Variants in TFCP2 observed in about 807,000 individuals in gnomAD.
The protein encoded by TFCP2 is transcription factor CP2.
A neutral mutation model predicts 73.4 loss-of-function variants in TFCP2; 33 were observed. The observed-to-expected ratio is 0.45, with a 90% CI of 0.34 to 0.60. The LOEUF is 0.60. TFCP2 is among the 20% of genes least tolerant of loss of function. The pLI is 0.01. For missense variants in TFCP2, 352 were observed against 604.0 expected (o/e 0.58, Z 4.37); for synonymous variants, 193 against 211.6 (o/e 0.91, Z 0.76).
chr12:51,102,289 C>T (rs1262945059), intron 10 of TFCP2, among the ~76,000 whole-genome samples: 1 of 152,104 alleles, frequency 6.6e-6, no homozygotes, highest in Non-Finnish European at 1.5e-5. Flanking sequence ...CTGAAATAAC[C>T]TTCCACTATC....
intron 13 of TFCP2, among the ~76,000 whole-genome samples, chr12:51,097,360 G>A (rs946712720): frequency 1.3e-5 from 2 of 152,106 alleles, no homozygotes; most frequent in Admixed American, 1.3e-4. Flanking sequence ...GCAGTTCTCT[G>A]CCTCAGCCTC....
rs910139576 is a variant in TFCP2 at position 51,118,868 on chromosome 12, A to G, written c.123-96T>C. The G allele has an allele frequency of 1.1e-4, 149 of 1,383,962 alleles. No homozygotes were observed. The East Asian group carries it at 3.3e-3, about 30-fold the overall frequency. 85.7% of individuals were successfully genotyped at this position (1,383,962 alleles called of 1,614,324 possible). Reference sequence around the variant, plus strand: ...TAACTGCAATGCTTTGGAAAGCCATAAACATTACTCACCTTGGTGGAGTTT... The same window carrying G: ...TAACTGCAATGCTTTGGAAAGCCATGAACATTACTCACCTTGGTGGAGTTT... On this transcript the variant is annotated intron_variant, in intron 1 of 14. Transcript: ENST00000257915.
At chr12:51,095,936 G>C (rs1340000066) in intron 14 of TFCP2, 53 bp downstream of exon 14, 1 of 1,450,168 alleles carries the variant, frequency 6.9e-7, no homozygotes, top group Non-Finnish European at 9.6e-7. Flanking sequence ...ACTTTGCCTA[G>C]TAGTAGTAAA....
intron 3 of TFCP2, among the ~76,000 whole-genome samples, chr12:51,116,905 C>T (rs942301153): frequency 2.0e-5 from 3 of 152,300 alleles, no homozygotes; most frequent in South Asian, 2.1e-4. Flanking sequence ...GCGTGAGCCA[C>T]CGGGTCCAGC....
In TFCP2 at chr12:51,158,842, C is replaced by T. The variant is rs117367559; in HGVS notation, c.122+13459G>A. The stretch of plus-strand genomic sequence containing the variant: ...GGGAAAAAAGAAAAAAAAATGGAGA[C>T]GGGGAGTATGGTGCCAGTCCTTTAA... On this transcript the variant is annotated intron_variant, in intron 1 of 14. Transcript: ENST00000257915. 2.8e-4 allele frequency among the ~76,000 whole-genome samples: 42 copies of T among 150,164 alleles called. No homozygotes were observed. The East Asian group carries it at 2.8e-3, about 10-fold the overall frequency.
chr12:51,159,162 T>C (rs1263306693), intron 1 of TFCP2, among the ~76,000 whole-genome samples: 1 of 143,310 alleles, frequency 7.0e-6, no homozygotes, highest in Non-Finnish European at 1.5e-5. Context: ...CTGGGCATCA[T>C]TGTGAGACTC....
intron 1 of TFCP2, among the ~76,000 whole-genome samples, chr12:51,169,369 C>T (rs549480187): frequency 3.3e-5 from 5 of 151,824 alleles, no homozygotes; most frequent in African/African-American, 7.2e-5. Context: ...GGCATGATGG[C>T]GTGCGCCTGT....
chr12:51,140,781 C>T (rs1941174740), intron 1 of TFCP2, among the ~76,000 whole-genome samples: 1 of 151,562 alleles, frequency 6.6e-6, no homozygotes, highest in East Asian at 1.9e-4. Flanking sequence ...TTTGGTTGGG[C>T]ACAGTGGCTC....
intron 1 of TFCP2, among the ~76,000 whole-genome samples, chr12:51,132,330 T>TGTGCAAGTTCTGGTTTAG (rs1940961353): frequency 6.8e-6 from 1 of 147,024 alleles, no homozygotes; most frequent in Non-Finnish European, 1.5e-5. Context: ...GAATTAGCAG[T>TGTGCAAGTTCTGGTTTAG]GTGCAAGTTC....
At chr12:51,162,449 AAAAAAAAAAAAG>A (rs1207893309) in intron 1 of TFCP2, among the ~76,000 whole-genome samples, 1 of 151,416 alleles carries the variant, frequency 6.6e-6, no homozygotes, top group Non-Finnish European at 1.5e-5. Context: ...CCATCTCAAA[AAAAAAAAAAAAG>A]AAAAGAAAAA....
At chr12:51,156,365 T>G (rs1941538175) in intron 1 of TFCP2, among the ~76,000 whole-genome samples, 1 of 151,838 alleles carries the variant, frequency 6.6e-6, no homozygotes, top group Non-Finnish European at 1.5e-5. Flanking sequence ...GTGCCACACT[T>G]AAACAACCAG....
chr12:51,115,628 C>T (rs189710922), intron 4 of TFCP2, among the ~76,000 whole-genome samples: 3 of 152,174 alleles, frequency 2.0e-5, no homozygotes, highest in Admixed American at 6.5e-5. Context: ...TTCACAATAG[C>T]CAGGAAATGG....
At chr12:51,131,115 G>A (rs1015750945) in intron 1 of TFCP2, among the ~76,000 whole-genome samples, 1 of 151,654 alleles carries the variant, frequency 6.6e-6, no homozygotes, top group Admixed American at 6.6e-5. Context: ...GGATCACGGG[G>A]TCAGGAGATC....
chr12:51,105,116 C>T lies in TFCP2; in HGVS notation c.918-913G>A, dbSNP rs187884994. On this transcript the variant is annotated intron_variant, in intron 8 of 14. Coordinates refer to ENST00000257915, the MANE Select transcript of TFCP2 (RefSeq NM_005653.5). The stretch of plus-strand genomic sequence containing the variant: ...TTTCTTTTTCTTTTTTTTTTTGAGA[C>T]GGAGTTTCACTCGTTTGCCCAGGCT... Among the ~76,000 whole-genome samples the T allele has an allele frequency of 4.7e-5, 7 of 150,002 alleles. No individual in the cohort carries two copies. In the East Asian group the frequency reaches 1.4e-3, roughly 30 times the overall value.
intron 1 of TFCP2, among the ~76,000 whole-genome samples, chr12:51,129,573 A>C (rs1170658420): frequency 1.3e-5 from 2 of 151,842 alleles, no homozygotes; most frequent in Non-Finnish European, 2.9e-5. Context: ...AGGTGACCTA[A>C]AGTCATGTCA....
At chr12:51,112,353 A>T (rs953186211) in intron 4 of TFCP2, among the ~76,000 whole-genome samples, 1 of 152,152 alleles carries the variant, frequency 6.6e-6, no homozygotes, top group Admixed American at 6.6e-5. Flanking sequence ...TGGCAATTTA[A>T]AGGCAGTTTC....
chr12:51,097,482 G>C (rs907675212), intron 13 of TFCP2, among the ~76,000 whole-genome samples: 2 of 151,902 alleles, frequency 1.3e-5, no homozygotes, highest in African/African-American at 4.8e-5. Context: ...TTCTGACCTT[G>C]TGATCCACCC....
chr12:51,158,184 C>G (rs1941577331), intron 1 of TFCP2, among the ~76,000 whole-genome samples: 1 of 149,200 alleles, frequency 6.7e-6, no homozygotes, highest in Admixed American at 6.7e-5. Context: ...AATTTTCCTT[C>G]TTTTATTATT....
intron 1 of TFCP2, among the ~76,000 whole-genome samples, chr12:51,130,944 C>T (rs1014958639): frequency 2.7e-5 from 4 of 150,520 alleles, no homozygotes; most frequent in South Asian, 4.2e-4. Flanking sequence ...GCCGAGATTG[C>T]GCCACTGCAC....
Sources: allele counts gnomAD v4.1 joint callset (sites outside exome capture counted in the v4.1 genomes callset), GRCh38; gene constraint gnomAD v4.1.1; transcripts MANE v1.5; gene names NCBI Gene and HGNC (gene_info 2026-07-23, HGNC 2026-07-21).